GRIK4: variants seen among roughly 807,000 people sequenced by gnomAD.
The protein encoded by GRIK4 is glutamate ionotropic receptor kainate type subunit 4, also known as glutamate receptor ionotropic, kainate 4.
In GRIK4, 40 loss-of-function variants were observed where a neutral mutation model predicts 104.9. The observed-to-expected ratio is 0.38, with a 90% CI of 0.30 to 0.50. GRIK4 has a LOEUF of 0.50. GRIK4 is among the 20% of genes least tolerant of loss of function. The pLI is 0.93. For synonymous variants in GRIK4, 485 were observed against 524.9 expected, an observed-to-expected ratio of 0.92 and a Z score of 1.04; for missense variants, 1,047 against 1,308.1, an observed-to-expected ratio of 0.80 and a Z score of 3.08.
At chr11:120,852,551 A>G (rs868418256) in intron 8 of GRIK4, among the ~76,000 whole-genome samples, 1 of 152,252 alleles carries the variant, frequency 6.6e-6, no homozygotes, top group South Asian at 2.1e-4. Flanking sequence ...GTAAATGAAT[A>G]GGAAACATGC....
At chr11:120,752,513 C>T (rs1951574105) in intron 3 of GRIK4, among the ~76,000 whole-genome samples, 1 of 152,230 alleles carries the variant, frequency 6.6e-6, no homozygotes, top group Admixed American at 6.5e-5. Flanking sequence ...GAGATCCACC[C>T]CTTCCCTGAG....
intron 1 of GRIK4, among the ~76,000 whole-genome samples, chr11:120,647,635 A>T (rs1446197205): frequency 2.0e-5 from 3 of 152,238 alleles, no homozygotes; most frequent in African/African-American, 7.2e-5. Flanking sequence ...CACCCGGCAC[A>T]TGCCTCGGGG....
At chr11:120,745,955 T>G (rs969111055) in intron 3 of GRIK4, among the ~76,000 whole-genome samples, 13 of 152,224 alleles carry the variant, frequency 8.5e-5, no homozygotes, top group Non-Finnish European at 1.6e-4. Context: ...TGGGGCTTGC[T>G]GTCCAACCCA....
At chr11:120,890,980 G>A (rs536276243) in intron 11 of GRIK4, among the ~76,000 whole-genome samples, 38 of 152,304 alleles carry the variant, frequency 2.5e-4, no homozygotes, top group Non-Finnish European at 4.9e-4. Context: ...ATAGTGCTGC[G>A]TGCACACCCA....
intron 3 of GRIK4, among the ~76,000 whole-genome samples, chr11:120,777,435 T>C (rs1360293760): frequency 1.3e-5 from 2 of 152,256 alleles, no homozygotes; most frequent in Non-Finnish European, 2.9e-5. Flanking sequence ...ATAGTCACAT[T>C]GTACCTCCGC....
At chr11:120,732,639 G>A (rs569601343) in intron 3 of GRIK4, among the ~76,000 whole-genome samples, 17 of 152,162 alleles carry the variant, frequency 1.1e-4, no homozygotes, top group Non-Finnish European at 7.4e-5. Flanking sequence ...GTGTGTTTAT[G>A]TAGTTCCCCA....
intron 3 of GRIK4, among the ~76,000 whole-genome samples, chr11:120,742,067 C>T (rs907916029): frequency 8.5e-5 from 13 of 152,108 alleles, no homozygotes; most frequent in African/African-American, 2.7e-4. Context: ...CCCCATAGTC[C>T]GGGCATGGTG....
At chr11:120,791,202 A>AG (rs1952387554) in intron 3 of GRIK4, among the ~76,000 whole-genome samples, 1 of 152,178 alleles carries the variant, frequency 6.6e-6, no homozygotes, top group African/African-American at 2.4e-5. Flanking sequence ...TGGAAGAGGA[A>AG]GGGGAGCGAG....
intron 20 of GRIK4, among the ~76,000 whole-genome samples, chr11:120,985,325 T>G (rs1280473362): frequency 6.6e-6 from 1 of 152,122 alleles, no homozygotes; most frequent in Non-Finnish European, 1.5e-5. Flanking sequence ...ACCCACCGGG[T>G]GTGATACATA....
intron 3 of GRIK4, among the ~76,000 whole-genome samples, chr11:120,779,425 G>A (rs1208140845): frequency 2.6e-5 from 4 of 152,156 alleles, no homozygotes. Flanking sequence ...GGGCATGGTG[G>A]AAGAAGAAGG....
chr11:120,548,604 AT>A lies in GRIK4; in HGVS notation c.-159+36718del, dbSNP rs200799391. 7.6e-3 allele frequency among the ~76,000 whole-genome samples: 1,164 copies of A among 152,228 alleles called. 11 individuals carry two copies. Among genetic ancestry groups the A allele is most frequent in the Middle Eastern group, 0.014 (4 of 294 alleles). ...TAAGCACTGGGTTTTAAGAGAGTGA[AT>A]GGCCCGACATGATCCTTTTGACATT... is the stretch of plus-strand genomic sequence containing the variant. On this transcript the variant is annotated intron_variant, in intron 1 of 20. Transcript: ENST00000527524.
intron 1 of GRIK4, among the ~76,000 whole-genome samples, chr11:120,599,983 A>G (rs1948861551): frequency 6.6e-6 from 1 of 152,220 alleles, no homozygotes; most frequent in South Asian, 2.1e-4. Flanking sequence ...ACGCTTTCTC[A>G]TGCTGGCATG....
At chr11:120,750,857 A>G (rs865844735) in intron 3 of GRIK4, among the ~76,000 whole-genome samples, 1 of 152,208 alleles carries the variant, frequency 6.6e-6, no homozygotes. Flanking sequence ...GAAAGTAGGC[A>G]TTGTTACCCT....
At position 120,659,827 on chromosome 11, in the gene GRIK4, C is replaced by T. The variant is rs189606192; in HGVS notation, c.-50-442C>T. On this transcript the variant is annotated intron_variant, in intron 2 of 20. Transcript: ENST00000527524. ...CCTCGGCTCACTGCAACCTCTGCCTCCTGTGTTCAAGTCTGTGACACAGGG... is the reference window on the plus strand; with the variant it reads ...CCTCGGCTCACTGCAACCTCTGCCTTCTGTGTTCAAGTCTGTGACACAGGG... 1.0e-3 allele frequency among the ~76,000 whole-genome samples: 158 copies of T among 152,360 alleles called. 1 individual carries two copies. The highest frequency in any genetic ancestry group is 3.5e-3 in the African/African-American group (146 of 41,584).
At chr11:120,584,640 G>A (rs1044401648) in intron 1 of GRIK4, among the ~76,000 whole-genome samples, 2 of 152,174 alleles carry the variant, frequency 1.3e-5, no homozygotes, top group Non-Finnish European at 2.9e-5. Flanking sequence ...ATTCCACCAG[G>A]CTCCACCTCC....
intron 14 of GRIK4, among the ~76,000 whole-genome samples, chr11:120,946,398 T>C (rs536056259): frequency 1.3e-5 from 2 of 152,228 alleles, no homozygotes; most frequent in South Asian, 4.1e-4. Context: ...CAGTGGCGCA[T>C]GCCTGTAATC....
At position 120,720,978 on chromosome 11, in the gene GRIK4, T is replaced by TATTCATTC. The variant is rs35714376; in HGVS notation, c.82+60605_82+60612dup. 7.6e-3 allele frequency among the ~76,000 whole-genome samples: 1,150 copies of TATTCATTC among 150,722 alleles called. 14 individuals are homozygous for TATTCATTC. The highest frequency in any genetic ancestry group is 0.021 in the South Asian group (98 of 4,694). On this transcript the variant is annotated intron_variant, in intron 3 of 20. Transcript: ENST00000527524. ...AGCTGGATGAGTTTGTTCATTCACG[T>TATTCATTC]ATTCATTCATTCATTCATTCATTCA... is the stretch of plus-strand genomic sequence containing the variant.
At position 120,902,378 on chromosome 11, in the gene GRIK4, A is replaced by G. The variant is rs1327875522; in HGVS notation, c.1273-2912A>G. ...ACCATCCCCATCCTTGGGCTTTCCA[A>G]CGCGTCTCCAAGACCGGCCTTGTGT... On this transcript the variant is annotated intron_variant, in intron 12 of 20. Transcript: ENST00000527524. The surrounding 1 kb of genome is among the most constrained non-coding windows in gnomAD (Gnocchi z 4.5). Among the ~76,000 whole-genome samples the G allele has an allele frequency of 1.3e-5, 2 of 152,054 alleles. No individual in the cohort carries two copies. The highest frequency in any genetic ancestry group is 2.9e-5 in the Non-Finnish European group (2 of 68,004).
chr11:120,877,308 C>T (rs935479955), intron 11 of GRIK4, among the ~76,000 whole-genome samples: 2 of 152,182 alleles, frequency 1.3e-5, no homozygotes, highest in African/African-American at 4.8e-5. Flanking sequence ...AGGTACCATG[C>T]TGGGCCTGGG....
Sources: allele counts gnomAD v4.1 joint callset (sites outside exome capture counted in the v4.1 genomes callset), GRCh38; gene constraint gnomAD v4.1.1; non-coding constraint Gnocchi (gnomAD v3.1); transcripts MANE v1.5; gene names NCBI Gene and HGNC (gene_info 2026-07-23, HGNC 2026-07-21).